TSHZ3: variants seen among roughly 807,000 people sequenced by gnomAD.
TSHZ3 encodes teashirt zinc finger homeobox 3, also known as teashirt homolog 3.
TSHZ3 carries 10 observed loss-of-function variants against 64.5 expected under a neutral mutation model. The observed-to-expected ratio is 0.16, with a 90% CI of 0.10 to 0.26. The LOEUF (loss-of-function observed/expected upper bound fraction) is 0.26. Among genes scored for constraint, TSHZ3 ranks in the 10% least tolerant of loss-of-function variants. The pLI is 1.00. For synonymous variants in TSHZ3, 608 were observed against 593.1 expected (o/e 1.03, Z -0.36); for missense variants, 1,242 against 1,421.7 (o/e 0.87, Z 2.03).
intron 1 of TSHZ3, among the ~76,000 whole-genome samples, chr19:31,307,609 T>C (rs1447746890): frequency 6.6e-6 from 1 of 152,202 alleles, no homozygotes; most frequent in African/African-American, 2.4e-5. Context: ...ACTCCACTTC[T>C]GATTGTGGGT....
chr19:31,258,726 A>G (rs1975946442), intron 1 of TSHZ3, among the ~76,000 whole-genome samples: 1 of 152,222 alleles, frequency 6.6e-6, no homozygotes, highest in Non-Finnish European at 1.5e-5. Flanking sequence ...GATGCCTGAG[A>G]TTCTCGGAGA....
chr19:31,326,351 C>T (rs1416215812), intron 1 of TSHZ3, among the ~76,000 whole-genome samples: 1 of 152,200 alleles, frequency 6.6e-6, no homozygotes, highest in Non-Finnish European at 1.5e-5. Flanking sequence ...TTGAATATTG[C>T]ATTATGGACA....
intron 5 of TSHZ3, among the ~76,000 whole-genome samples, chr19:31,172,173 G>T (rs748266677): frequency 2.0e-5 from 3 of 152,148 alleles, no homozygotes; most frequent in African/African-American, 7.2e-5. Context: ...AAGATTTAGG[G>T]CAGAGGTTTG....
intron 5 of TSHZ3, among the ~76,000 whole-genome samples, chr19:31,186,872 G>T (rs553032429): frequency 1.3e-5 from 2 of 151,936 alleles, no homozygotes; most frequent in African/African-American, 2.4e-5. Context: ...TTGTTCACAC[G>T]TTTTGCCTAT....
At chr19:31,247,335 T>C (rs10401334) in intron 1 of TSHZ3, among the ~76,000 whole-genome samples, 146,769 of 152,264 alleles carry the variant, frequency 0.96, 70,781 homozygotes, top group East Asian at 1. Flanking sequence ...TTAGCAACTC[T>C]AATCATGGGA....
chr19:31,327,916 T>C (rs544468789), intron 1 of TSHZ3, among the ~76,000 whole-genome samples: 13 of 152,350 alleles, frequency 8.5e-5, no homozygotes, highest in African/African-American at 3.1e-4. Context: ...ATGGACATTG[T>C]CTCTAGTTGC....
At chr19:31,194,150 G>A (rs1399850892) in intron 5 of TSHZ3, among the ~76,000 whole-genome samples, 1 of 152,154 alleles carries the variant, frequency 6.6e-6, no homozygotes, top group Non-Finnish European at 1.5e-5. Context: ...TGTAATTGAT[G>A]ACTTATTGGA....
intron 5 of TSHZ3, among the ~76,000 whole-genome samples, chr19:31,192,004 T>C (rs1974917199): frequency 6.6e-6 from 1 of 152,140 alleles, no homozygotes; most frequent in African/African-American, 2.4e-5. Flanking sequence ...AACAATAATA[T>C]AATGGAGATG....
intron 1 of TSHZ3, among the ~76,000 whole-genome samples, chr19:31,291,249 A>T (rs892759253): frequency 6.6e-6 from 1 of 152,204 alleles, no homozygotes; most frequent in Non-Finnish European, 1.5e-5. Flanking sequence ...GATGGGAAAC[A>T]AGAGTCCAAG....
chr19:31,277,071 C>A lies in TSHZ3; in HGVS notation c.2722G>T (p.Ala908Ser), dbSNP rs1257000724. 1 of 1,608,002 alleles carries A rather than the reference C, an allele frequency of 6.2e-7. No individual in the cohort carries two copies. Among genetic ancestry groups the A allele is most frequent in the Admixed American group, 1.7e-5 (1 of 59,676 alleles). Residue 908 changes from alanine to serine, a missense_variant, in exon 2 of 2, where the codon GCC becomes TCC. This residue lies in a region of TSHZ3 where 550 missense variants were observed against 545.1 expected (regional missense o/e 1.01). Transcript: ENST00000240587. The surrounding 1 kb of genome is among the most constrained non-coding windows in gnomAD (Gnocchi z 4.5). ...TGCCGGAGGCTGGCGGCAAACTGGG[C>A]CTGGAGGATCAGGAGGTGCTGGGGG... ...WNPQHLLILQAQFAASLRQTS... is the reference protein window; with the variant it reads ...WNPQHLLILQSQFAASLRQTS...
chr19:31,228,483 A>G (rs1466985787), intron 3 of TSHZ3, among the ~76,000 whole-genome samples: 1 of 149,612 alleles, frequency 6.7e-6, no homozygotes, highest in Non-Finnish European at 1.5e-5. Context: ...TTGAGATCAC[A>G]CCACTGTACT....
intron 1 of TSHZ3, among the ~76,000 whole-genome samples, chr19:31,288,226 A>G (rs1976500077): frequency 6.6e-6 from 1 of 152,188 alleles, no homozygotes; most frequent in Non-Finnish European, 1.5e-5. Flanking sequence ...TTTCCCAAGC[A>G]GGCTCTCCAG....
chr19:31,335,069 T>C (rs1197468721), intron 1 of TSHZ3, among the ~76,000 whole-genome samples: 1 of 152,152 alleles, frequency 6.6e-6, no homozygotes, highest in Non-Finnish European at 1.5e-5. Flanking sequence ...TTAAAGACTT[T>C]CCCTCTTCTT....
intron 3 of TSHZ3, among the ~76,000 whole-genome samples, chr19:31,230,692 CTTTTTTTT>C (rs956399700): frequency 1.1e-5 from 1 of 94,116 alleles, no homozygotes; most frequent in African/African-American, 4.7e-5. Context: ...CCCATCACTG[CTTTTTTTT>C]TTTTTTTTTT....
chr19:31,209,161 G>T (rs1054960622), intron 4 of TSHZ3, among the ~76,000 whole-genome samples: 1 of 152,078 alleles, frequency 6.6e-6, no homozygotes, highest in Non-Finnish European at 1.5e-5. Flanking sequence ...AGAAAGCCTG[G>T]GACTGAGCTG....
At chr19:31,238,033 C>A (rs184599946) in intron 3 of TSHZ3, among the ~76,000 whole-genome samples, 2 of 152,198 alleles carry the variant, frequency 1.3e-5, no homozygotes, top group South Asian at 2.1e-4. Context: ...TTTTGGTGAC[C>A]ATTCCATGTG....
intron 5 of TSHZ3, among the ~76,000 whole-genome samples, chr19:31,156,650 C>A (rs946519566): frequency 6.6e-6 from 1 of 152,164 alleles, no homozygotes; most frequent in African/African-American, 2.4e-5. Flanking sequence ...AAATTGATTT[C>A]CTGCATTGCA....
In TSHZ3 at chr19:31,213,356, C is replaced by CAAAAAAAAAAAAAAAAAAAAAA. The variant is rs35192337; in HGVS notation, n.687-8300_687-8279dup. 2.1e-4 allele frequency among the ~76,000 whole-genome samples: 5 copies of CAAAAAAAAAAAAAAAAAAAAAA among 23,308 alleles called. 1 individual carries two copies. The highest frequency in any genetic ancestry group is 5.9e-4 in the African/African-American group (4 of 6,782). 15.3% of individuals were successfully genotyped at this position (23,308 alleles called of 152,430 possible). ...TGAGCAACAGAGCGAGACTCTGTCT[C>CAAAAAAAAAAAAAAAAAAAAAA]AAAAAAAAAAAAAAAAAAAAAAAAA... On this transcript the variant is annotated intron_variant and non_coding_transcript_variant, in intron 4 of 6. Coordinates refer to the TSHZ3 transcript ENST00000651361.
At position 31,278,253 on chromosome 19, in the gene TSHZ3, C is replaced by G; in HGVS notation, c.1540G>C (p.Glu514Gln). 1 of 1,614,198 alleles carries G rather than the reference C, an allele frequency of 6.2e-7. No homozygotes were observed. Among genetic ancestry groups the G allele is most frequent in the Non-Finnish European group, 8.5e-7 (1 of 1,180,048 alleles). ...ATATCAAGCCCCCCCTTGGGACTCT[C>G]TTCTAAGTCATTTTCAGTCAAGTAA... ...YHYLTENDLE[E>Q]SPKGGLDILK... The change falls in exon 2 of 2, where the codon GAG becomes CAG. Residue 514 changes from glutamate (E) to glutamine (Q), a missense_variant. Physicochemically the swap from Glu to Gln is conservative, Grantham distance 29. This residue lies in a region of TSHZ3 where 555 missense variants were observed against 704.0 expected (regional missense o/e 0.79). Coordinates refer to ENST00000240587, the MANE Select transcript of TSHZ3 (RefSeq NM_020856.4). This position sits in a 1 kb window ranked among gnomAD's most constrained non-coding sequence, Gnocchi z 4.7.
Sources: gnomAD v4.1 joint callset for allele counts (sites outside exome capture counted in the v4.1 genomes callset) on GRCh38, gnomAD v4.1.1 for gene constraint, gnomAD v4.1.1 regional missense constraint, Gnocchi (gnomAD v3.1) non-coding constraint, MANE v1.5 for transcripts, NCBI Gene and HGNC (gene_info 2026-07-23, HGNC 2026-07-21) for gene names.